Variants in ITFG1 observed in about 807,000 individuals in gnomAD.
ITFG1 encodes the protein T-cell immunomodulatory protein.
In ITFG1, 34 loss-of-function variants were observed where a neutral mutation model predicts 81.8. The ratio of observed to expected loss-of-function variants is 0.42; its 90% CI spans 0.32 to 0.55. The LOEUF is 0.55. Ranked by LOEUF, ITFG1 falls within the 20% of genes least tolerant of loss-of-function variation. The pLI, the probability that ITFG1 is intolerant of heterozygous loss-of-function variation, is 0.17. For missense variants in ITFG1, 672 were observed against 755.4 expected (o/e 0.89, Z 1.29); for synonymous variants, 285 against 270.6 (o/e 1.05, Z -0.52).
At chr16:47,399,234 C>A (rs1968629003) in intron 6 of ITFG1, among the ~76,000 whole-genome samples, 1 of 152,160 alleles carries the variant, frequency 6.6e-6, no homozygotes, top group Non-Finnish European at 1.5e-5. Flanking sequence ...TAAGAAAGAA[C>A]ACTTTAGGAG....
In ITFG1 at chr16:47,350,470, T is replaced by C. The variant is rs563269328; in HGVS notation, c.802+15318A>G. Among the ~76,000 whole-genome samples the C allele has an allele frequency of 3.1e-4, 47 of 152,266 alleles. No individual in the cohort carries two copies. The South Asian group carries it at 9.1e-3, about 30-fold the overall frequency. On this transcript the variant is annotated intron_variant, in intron 8 of 17. Transcript: ENST00000320640. ...AATAAACTAGAAACTCTAGTAGAAA[T>C]GGATAAATTCCTTGACACATACGTC...
intron 8 of ITFG1, among the ~76,000 whole-genome samples, chr16:47,331,224 CA>C (rs1967632825): frequency 6.6e-6 from 1 of 152,078 alleles, no homozygotes; most frequent in South Asian, 2.1e-4. Flanking sequence ...AACAGAAAGC[CA>C]AATACTGCAT....
intron 8 of ITFG1, among the ~76,000 whole-genome samples, chr16:47,345,479 TG>T (rs888400550): frequency 1.3e-5 from 2 of 152,044 alleles, no homozygotes; most frequent in Non-Finnish European, 2.9e-5. Flanking sequence ...TTGTATTTTT[TG>T]TAGAGATGGG....
intron 5 of ITFG1, among the ~76,000 whole-genome samples, chr16:47,445,507 T>C (rs1186319400): frequency 6.6e-6 from 1 of 152,190 alleles, no homozygotes; most frequent in Non-Finnish European, 1.5e-5. Context: ...AAGTCTTTAC[T>C]TATGATAAAG....
chr16:47,374,488 C>G (rs927704883), intron 7 of ITFG1, among the ~76,000 whole-genome samples: 1 of 152,026 alleles, frequency 6.6e-6, no homozygotes, highest in Non-Finnish European at 1.5e-5. Context: ...TATAGATATT[C>G]TACTTATTTA....
intron 10 of ITFG1, among the ~76,000 whole-genome samples, chr16:47,285,088 T>C (rs968053217): frequency 7.9e-5 from 12 of 152,138 alleles, no homozygotes; most frequent in African/African-American, 2.7e-4. Flanking sequence ...CAGTCTTTTG[T>C]TGTAATGTTG....
chr16:47,311,378 C>G lies in ITFG1; in HGVS notation c.932G>C (p.Gly311Ala). ...AAATGGCACAAAGCCCCAGAGTGTGCCCTTATTGCTGAAATCTTGTAGGAC... is the reference window on the plus strand; with the variant it reads ...AAATGGCACAAAGCCCCAGAGTGTGGCCTTATTGCTGAAATCTTGTAGGAC... ...VPVLQDFSNK[G>A]TLWGFVPFVD... Residue 311 changes from glycine (G) to alanine (A), a missense_variant, in exon 10 of 18, where the codon GGC becomes GCC. Coordinates refer to ENST00000320640, the MANE Select transcript of ITFG1 (RefSeq NM_030790.5). 1 of 1,613,100 alleles carries G rather than the reference C, an allele frequency of 6.2e-7. No individual in the cohort carries two copies. Among genetic ancestry groups the G allele is most frequent in the Non-Finnish European group, 8.5e-7 (1 of 1,179,510 alleles).
chr16:47,157,045 T>C (rs1313074192), intron 17 of ITFG1, among the ~76,000 whole-genome samples: 1 of 152,118 alleles, frequency 6.6e-6, no homozygotes, highest in Non-Finnish European at 1.5e-5. Context: ...AGTAGGAATG[T>C]AGAAGTGGAG....
chr16:47,382,345 T>C (rs563498794), intron 6 of ITFG1, among the ~76,000 whole-genome samples: 1 of 152,374 alleles, frequency 6.6e-6, no homozygotes, highest in South Asian at 2.1e-4. Flanking sequence ...AGAAACGTGC[T>C]TGAATTGTTC....
chr16:47,282,169 G>T (rs889960337), intron 10 of ITFG1, among the ~76,000 whole-genome samples: 31 of 151,640 alleles, frequency 2.0e-4, no homozygotes, highest in Non-Finnish European at 3.4e-4. Context: ...GAGCGGGTAT[G>T]AGGGATGAGA....
rs561925288 is a variant in ITFG1 at position 47,163,089 on chromosome 16, AC to A, written c.1454-426del. On this transcript the variant is annotated intron_variant, in intron 14 of 17. Coordinates refer to ENST00000320640, the MANE Select transcript of ITFG1 (RefSeq NM_030790.5). Reference sequence around the variant, plus strand: ...AATGCTGGGATTACAGGCGTGACCCACCGTGCTCAGCCAATGATTCACTTTT... The same window carrying A: ...AATGCTGGGATTACAGGCGTGACCCACGTGCTCAGCCAATGATTCACTTTT... 1.3e-3 allele frequency among the ~76,000 whole-genome samples: 203 copies of A among 152,190 alleles called. 2 individuals are homozygous for A. The highest frequency in any genetic ancestry group is 2.2e-3 in the Non-Finnish European group (151 of 68,034).
intron 7 of ITFG1, among the ~76,000 whole-genome samples, chr16:47,371,755 T>C (rs771603259): frequency 6.6e-6 from 1 of 152,102 alleles, no homozygotes; most frequent in Non-Finnish European, 1.5e-5. Context: ...AGGTGGTTAC[T>C]ATGAACTAGT....
chr16:47,294,671 G>A (rs1567448592), intron 10 of ITFG1, among the ~76,000 whole-genome samples: 3 of 151,932 alleles, frequency 2.0e-5, no homozygotes, highest in Non-Finnish European at 4.4e-5. Flanking sequence ...GATTTGTATT[G>A]GTGTATAGAA....
At chr16:47,351,966 C>T (rs937776700) in intron 8 of ITFG1, among the ~76,000 whole-genome samples, 1 of 152,146 alleles carries the variant, frequency 6.6e-6, no homozygotes, top group Non-Finnish European at 1.5e-5. Flanking sequence ...GGAAAGGATT[C>T]CGTATTTAAC....
At chr16:47,268,723 G>A (rs1050714998) in intron 10 of ITFG1, among the ~76,000 whole-genome samples, 20 of 152,204 alleles carry the variant, frequency 1.3e-4, no homozygotes, top group African/African-American at 4.8e-4. Flanking sequence ...ATCACACAGA[G>A]AGGACATATT....
At chr16:47,421,232 A>G (rs1968942576) in intron 6 of ITFG1, among the ~76,000 whole-genome samples, 1 of 151,196 alleles carries the variant, frequency 6.6e-6, no homozygotes, top group Non-Finnish European at 1.5e-5. Flanking sequence ...GTGTGTGTGT[A>G]TATATATGTA....
At chr16:47,251,479 TGTA>T (rs2151539065) in intron 12 of ITFG1, among the ~76,000 whole-genome samples, 2 of 134,688 alleles carry the variant, frequency 1.5e-5, no homozygotes, top group South Asian at 5.0e-4. Flanking sequence ...TTTTAAGAAA[TGTA>T]AGCAGAGAAA....
chr16:47,292,018 G>A (rs1966912739), intron 10 of ITFG1, among the ~76,000 whole-genome samples: 1 of 149,918 alleles, frequency 6.7e-6, no homozygotes, highest in Admixed American at 6.6e-5. Context: ...ATTTTTCCTT[G>A]CTTTTTTTTT....
intron 10 of ITFG1, among the ~76,000 whole-genome samples, chr16:47,302,201 T>C (rs1216095192): frequency 2.0e-5 from 3 of 152,186 alleles, no homozygotes; most frequent in African/African-American, 4.8e-5. Flanking sequence ...TTGTATTTGC[T>C]TTTTTTCTAT....
Sources: allele counts gnomAD v4.1 joint callset (sites outside exome capture counted in the v4.1 genomes callset), GRCh38; gene constraint gnomAD v4.1.1; transcripts MANE v1.5; gene names NCBI Gene and HGNC (gene_info 2026-07-23, HGNC 2026-07-21).